MGST1: variants seen among roughly 807,000 people sequenced by gnomAD.
The protein encoded by MGST1 is glutathione S-transferase 12.
Under a neutral mutation model 8.9 loss-of-function variants are expected in MGST1, and 5 were observed. That is an observed-to-expected ratio of 0.56 (90% CI 0.29 to 1.19). MGST1 has a LOEUF of 1.19. Ranked by LOEUF, MGST1 falls within the 50% of genes most tolerant of loss-of-function variation. The pLI, the probability that MGST1 is intolerant of heterozygous loss-of-function variation, is 0.08. For missense variants in MGST1, 182 were observed against 187.4 expected (o/e 0.97, Z 0.17); for synonymous variants, 54 against 67.8 (o/e 0.80, Z 1.00).
intron 4 of MGST1, among the ~76,000 whole-genome samples, chr12:16,514,528 C>A (rs1941598863): frequency 1.3e-5 from 2 of 150,338 alleles, no homozygotes; most frequent in Admixed American, 6.6e-5. Context: ...TTTTGTTTCA[C>A]AGGGTTAAAG....
Position 16,576,318 on chromosome 12 carries a change from G to A in MGST1, n.483-13210G>A. Among the ~76,000 whole-genome samples the A allele has an allele frequency of 6.6e-6, 1 of 152,096 alleles. No individual in the cohort carries two copies. The highest frequency in any genetic ancestry group is 2.1e-4 in the South Asian group (1 of 4,816). ...CTTTTCTGTCTTCTATCCCATCACTGAGCCTCAGCCCCAATGTGCTGTCTA... is the reference window on the plus strand; with the variant it reads ...CTTTTCTGTCTTCTATCCCATCACTAAGCCTCAGCCCCAATGTGCTGTCTA... On this transcript the variant is annotated intron_variant and non_coding_transcript_variant, in intron 4 of 4. Transcript: ENST00000538857. The surrounding 1 kb of genome is among the most constrained non-coding windows in gnomAD (Gnocchi z 4.1).
At chr12:16,522,877 C>G (rs894598896) in intron 4 of MGST1, among the ~76,000 whole-genome samples, 1 of 151,956 alleles carries the variant, frequency 6.6e-6, no homozygotes, top group Non-Finnish European at 1.5e-5. Flanking sequence ...TAAAGGTAAT[C>G]AAGCTGTATC....
At chr12:16,350,292 A>G (rs1939403250) in intron 1 of MGST1, among the ~76,000 whole-genome samples, 1 of 152,222 alleles carries the variant, frequency 6.6e-6, no homozygotes, top group Non-Finnish European at 1.5e-5. Context: ...GTCTCTGGCA[A>G]GAGAGGTTGA....
intron 1 of MGST1, among the ~76,000 whole-genome samples, chr12:16,423,709 A>T (rs1486105835): frequency 6.6e-6 from 1 of 152,120 alleles, no homozygotes; most frequent in Non-Finnish European, 1.5e-5. Context: ...CTCCTTCCTC[A>T]TGCTTCCTTG....
intron 4 of MGST1, among the ~76,000 whole-genome samples, chr12:16,554,133 T>A (rs962380105): frequency 1.1e-4 from 16 of 152,198 alleles, no homozygotes; most frequent in Admixed American, 7.9e-4. Flanking sequence ...TTGAGTGATT[T>A]AGCTGACTTC....
chr12:16,477,917 G>A (rs1485406995), intron 4 of MGST1, among the ~76,000 whole-genome samples: 1 of 152,200 alleles, frequency 6.6e-6, no homozygotes, highest in African/African-American at 2.4e-5. Flanking sequence ...GAAATGGAAA[G>A]GGTTCACAGT....
chr12:16,581,235 A>T (rs1472641620), intron 4 of MGST1, among the ~76,000 whole-genome samples: 1 of 152,198 alleles, frequency 6.6e-6, no homozygotes, highest in Non-Finnish European at 1.5e-5. Flanking sequence ...ACTAGAGTAC[A>T]GCTCATAAGG....
Position 16,401,235 on chromosome 12 carries a change from C to A in MGST1, n.778+17631C>A, listed in dbSNP as rs1033525076. The stretch of plus-strand genomic sequence containing the variant: ...CACTAAGGAACAGGGCATAGGTTTT[C>A]TCTTCTGGCTTTTTCCCCTCCTTGT... On this transcript the variant is annotated intron_variant and non_coding_transcript_variant, in intron 1 of 1. Transcript: ENST00000359720. The surrounding 1 kb of genome is among the most constrained non-coding windows in gnomAD (Gnocchi z 4.3). 1.3e-6 allele frequency: 2 copies of A among 1,569,168 alleles called. No homozygotes were observed. The highest frequency in any genetic ancestry group is 2.7e-5 in the African/African-American group (2 of 73,954).
intron 4 of MGST1, among the ~76,000 whole-genome samples, chr12:16,535,902 C>A (rs951100162): frequency 6.6e-6 from 1 of 152,130 alleles, no homozygotes; most frequent in African/African-American, 2.4e-5. Flanking sequence ...TTTTAAGTTT[C>A]TTATTCAGAG....
chr12:16,502,383 C>T (rs1328032428), intron 4 of MGST1, among the ~76,000 whole-genome samples: 1 of 152,168 alleles, frequency 6.6e-6, no homozygotes, highest in African/African-American at 2.4e-5. Context: ...TGGGATTATA[C>T]TCTTCGCTTA....
intron 4 of MGST1, among the ~76,000 whole-genome samples, chr12:16,538,420 G>A (rs146209515): frequency 2.0e-5 from 3 of 152,138 alleles, no homozygotes; most frequent in Non-Finnish European, 2.9e-5. Flanking sequence ...TTCCAAAGTC[G>A]CTTCCACATT....
At chr12:16,406,876 C>CT (rs1451829272) in intron 1 of MGST1, among the ~76,000 whole-genome samples, 1 of 152,174 alleles carries the variant, frequency 6.6e-6, no homozygotes, top group Non-Finnish European at 1.5e-5. Flanking sequence ...AACTGGACCC[C>CT]TTTCTTACAT....
exon 2 of MGST1, chr12:16,438,033 C>T (rs983180383): frequency 6.6e-6 from 1 of 151,904 alleles, no homozygotes; most frequent in African/African-American, 2.4e-5. Context: ...CTTTTGCCTG[C>T]TCTTGGAAGA....
At chr12:16,370,669 A>G (rs1289697166) in intron 3 of MGST1, among the ~76,000 whole-genome samples, 1 of 152,186 alleles carries the variant, frequency 6.6e-6, no homozygotes, top group East Asian at 1.9e-4. Flanking sequence ...ATTGATTCTA[A>G]TAATAGTTTT....
intron 1 of MGST1, among the ~76,000 whole-genome samples, chr12:16,387,747 C>G (rs1487247463): frequency 6.6e-6 from 1 of 152,080 alleles, no homozygotes; most frequent in Non-Finnish European, 1.5e-5. Flanking sequence ...AGGATGGTCT[C>G]GATCTCCTGA....
At chr12:16,356,439 A>G (rs1939716701) in intron 2 of MGST1, among the ~76,000 whole-genome samples, 1 of 152,210 alleles carries the variant, frequency 6.6e-6, no homozygotes, top group Non-Finnish European at 1.5e-5. Context: ...TATTCCAGAT[A>G]AAGATGTTGA....
chr12:16,401,468 C>T lies in MGST1; in HGVS notation n.778+17864C>T. 1 of 837,000 alleles carries T rather than the reference C, an allele frequency of 1.2e-6. No homozygotes were observed. Among genetic ancestry groups the T allele is most frequent in the Non-Finnish European group, 2.1e-6 (1 of 483,396 alleles). The allele number at this position is 837,000 out of a possible 1,614,324, so 51.8% of individuals were successfully genotyped here. On this transcript the variant is annotated intron_variant and non_coding_transcript_variant, in intron 1 of 1. Transcript: ENST00000359720. The surrounding 1 kb of genome is among the most constrained non-coding windows in gnomAD (Gnocchi z 4.3). Reference sequence around the variant, plus strand: ...TTATATACATCACATATCTTCACACCATGTCTTAATTCCTTCAGCAGCTCT... The same window carrying T: ...TTATATACATCACATATCTTCACACTATGTCTTAATTCCTTCAGCAGCTCT...
chr12:16,402,488 C>T lies in MGST1; in HGVS notation n.778+18884C>T, dbSNP rs1005545724. The T allele has an allele frequency of 5.6e-5, 79 of 1,416,332 alleles. No homozygotes were observed. In the East Asian group the frequency reaches 5.8e-4, roughly 10 times the overall value. 87.7% of individuals were successfully genotyped at this position (1,416,332 alleles called of 1,614,324 possible). ...ATGTCCCGGCTCTGCCACCTGCTCT[C>T]GGCCCAGGAATCCCGCACTCTTATT... is the stretch of plus-strand genomic sequence containing the variant. On this transcript the variant is annotated intron_variant and non_coding_transcript_variant, in intron 1 of 1. Transcript: ENST00000359720.
At chr12:16,384,735 G>A (rs1981748) in intron 1 of MGST1, among the ~76,000 whole-genome samples, 92,071 of 152,212 alleles carry the variant, frequency 0.6, 28,636 homozygotes, top group East Asian at 0.96. Context: ...GTGCAATAGG[G>A]GATGCCCAAA....
Sources: allele counts gnomAD v4.1 joint callset (sites outside exome capture counted in the v4.1 genomes callset), GRCh38; gene constraint gnomAD v4.1.1; non-coding constraint Gnocchi (gnomAD v3.1); transcripts MANE v1.5; gene names NCBI Gene and HGNC (gene_info 2026-07-23, HGNC 2026-07-21).